Variants in CWF19L2 observed in about 807,000 individuals in gnomAD.
The protein encoded by CWF19L2 is CWF19 like cell cycle control factor 2, also known as CWF19-like protein 2.
Under a neutral mutation model 111.7 loss-of-function variants are expected in CWF19L2, and 98 were observed. The ratio of observed to expected loss-of-function variants is 0.88; its 90% CI spans 0.75 to 1.04. The LOEUF (loss-of-function observed/expected upper bound fraction) is 1.04. CWF19L2 is among the 50% of genes least tolerant of loss of function. The pLI is 0.00. For missense variants in CWF19L2, 1,101 were observed against 1,051.4 expected, an observed-to-expected ratio of 1.05 and a Z score of -0.65; for synonymous variants, 351 against 342.9, an observed-to-expected ratio of 1.02 and a Z score of -0.26.
intron 10 of CWF19L2, chr11:107,404,446 G>T (rs1565270584): frequency 5.2e-6 from 4 of 773,648 alleles, no homozygotes; most frequent in Non-Finnish European, 9.7e-6. Flanking sequence ...TGAACTGGCT[G>T]TTGGCACCCG....
chr11:107,385,731 T>C (rs1860755046), intron 12 of CWF19L2, among the ~76,000 whole-genome samples: 1 of 152,228 alleles, frequency 6.6e-6, no homozygotes, highest in South Asian at 2.1e-4. Flanking sequence ...TTCTGAGTAG[T>C]GTGATGAAAT....
In CWF19L2 at chr11:107,402,893, A is replaced by G. The variant is rs945561065; in HGVS notation, c.1618-9998T>C. Among the ~76,000 whole-genome samples, 4 of 97,344 alleles carry G rather than the reference A, an allele frequency of 4.1e-5. 1 individual carries two copies. Among genetic ancestry groups the G allele is most frequent in the African/African-American group, 1.3e-4 (3 of 23,942 alleles). 63.9% of individuals were successfully genotyped at this position (97,344 alleles called of 152,430 possible). A position where few individuals can be genotyped will look rare whatever the true frequency, so the allele number is the denominator to read the frequency against. On this transcript the variant is annotated intron_variant, in intron 10 of 17. Transcript: ENST00000282251. Reference sequence around the variant, plus strand: ...GGTGTGTATATATATATATATATATATATATATATAATGGAATACTATGCA... The same window carrying G: ...GGTGTGTATATATATATATATATATGTATATATATAATGGAATACTATGCA...
chr11:107,336,397 T>C (rs949723335), intron 15 of CWF19L2, among the ~76,000 whole-genome samples, 161 bp downstream of exon 15: 4 of 152,182 alleles, frequency 2.6e-5, no homozygotes, highest in African/African-American at 9.6e-5. Flanking sequence ...TCTCCCCACC[T>C]TGGCCTTCCA....
In CWF19L2 at chr11:107,353,556, G is replaced by A. The variant is rs139979724; in HGVS notation, c.2053C>T (p.Pro685Ser). 7.9e-5 allele frequency: 128 copies of A among 1,613,676 alleles called. No individual in the cohort carries two copies. The African/African-American group carries it at 1.6e-3, about 20-fold the overall frequency. The change falls in exon 13 of 18, where the codon CCC (proline) becomes TCC (serine). Residue 685 changes from proline (P) to serine (S), a missense_variant. Coordinates refer to ENST00000282251, the MANE Select transcript of CWF19L2 (RefSeq NM_152434.3). ...CLYCFDSSQF[P>S]KHLIVAIGVK... ...CCTATTGCAACAATAAGATGCTTGGGAAATTGAGAGCTGTCAAAACAATAC... is the reference window on the plus strand; with the variant it reads ...CCTATTGCAACAATAAGATGCTTGGAAAATTGAGAGCTGTCAAAACAATAC...
chr11:107,381,262 A>G (rs374572860), intron 12 of CWF19L2, among the ~76,000 whole-genome samples: 12 of 152,226 alleles, frequency 7.9e-5, no homozygotes, highest in African/African-American at 2.9e-4. Context: ...TTGCCATAAA[A>G]AACCCAACTA....
chr11:107,359,065 G>A (rs1298490714), intron 12 of CWF19L2, among the ~76,000 whole-genome samples: 2 of 151,658 alleles, frequency 1.3e-5, no homozygotes, highest in Non-Finnish European at 2.9e-5. Flanking sequence ...AAACAGCCAT[G>A]CACAGATAAA....
intron 8 of CWF19L2, among the ~76,000 whole-genome samples, chr11:107,423,914 TAATA>T (rs1386563675): frequency 1.4e-5 from 2 of 141,352 alleles, no homozygotes; most frequent in African/African-American, 5.4e-5. Flanking sequence ...AGATACCTAC[TAATA>T]TATATGAGCA....
chr11:107,361,328 G>A (rs928668078), intron 12 of CWF19L2, among the ~76,000 whole-genome samples: 11 of 152,202 alleles, frequency 7.2e-5, no homozygotes, highest in Admixed American at 2.6e-4. Context: ...TATTGTTTAC[G>A]TCAGTACCAA....
In CWF19L2 at chr11:107,326,686, C is replaced by T. The variant is rs907492178; in HGVS notation, c.*224G>A. 1.5e-5 allele frequency: 6 copies of T among 394,664 alleles called. No individual in the cohort carries two copies. Among genetic ancestry groups the T allele is most frequent in the Non-Finnish European group, 1.8e-5 (4 of 222,958 alleles). The allele number at this position is 394,664 out of a possible 1,614,324, so 24.4% of individuals were successfully genotyped here. ...GAGAGCAGGAATGTGAGCAGATCAT[C>T]GAATATATGTTTTTACTCCATGGTG... is the stretch of plus-strand genomic sequence containing the variant. On this transcript the variant is annotated 3_prime_UTR_variant, in exon 18 of 18. Coordinates refer to ENST00000282251, the MANE Select transcript of CWF19L2 (RefSeq NM_152434.3).
chr11:107,388,195 C>T (rs1385847957), intron 12 of CWF19L2, among the ~76,000 whole-genome samples: 2 of 152,148 alleles, frequency 1.3e-5, no homozygotes, highest in Non-Finnish European at 2.9e-5. Flanking sequence ...TCATTTTCTA[C>T]AAAACTATTT....
At position 107,371,077 on chromosome 11, in the gene CWF19L2, G is replaced by A. The variant is rs1447276620; in HGVS notation, c.1873-17341C>T. Among the ~76,000 whole-genome samples, 5 of 121,398 alleles carry A rather than the reference G, an allele frequency of 4.1e-5. 1 individual carries two copies. Among genetic ancestry groups the A allele is most frequent in the Admixed American group, 8.1e-5 (1 of 12,344 alleles). 79.6% of individuals were successfully genotyped at this position (121,398 alleles called of 152,430 possible). ...CGCCCAGGCTGGAGTGCAGTGGTGC[G>A]ATCTCGGCTCACTGCAAGCTCTGCC... On this transcript the variant is annotated intron_variant, in intron 12 of 17. Coordinates refer to ENST00000282251, the MANE Select transcript of CWF19L2 (RefSeq NM_152434.3).
chr11:107,379,085 T>C (rs1462555937), intron 12 of CWF19L2, among the ~76,000 whole-genome samples: 2 of 152,222 alleles, frequency 1.3e-5, no homozygotes, highest in Non-Finnish European at 2.9e-5. Flanking sequence ...CTGGGCAAGC[T>C]ACTGAATATC....
intron 16 of CWF19L2, among the ~76,000 whole-genome samples, chr11:107,331,271 G>C (rs1294422031): frequency 1.3e-5 from 2 of 152,114 alleles, no homozygotes; most frequent in Non-Finnish European, 1.5e-5. Flanking sequence ...TAACATCTCT[G>C]AGTCTCATGA....
At chr11:107,408,686 T>C (rs1400327851) in intron 10 of CWF19L2, among the ~76,000 whole-genome samples, 1 of 151,954 alleles carries the variant, frequency 6.6e-6, no homozygotes, top group Non-Finnish European at 1.5e-5. Flanking sequence ...GGTTAAAAAA[T>C]ACAAGCTGAA....
At chr11:107,419,986 T>C (rs1861281359) in intron 8 of CWF19L2, among the ~76,000 whole-genome samples, 1 of 151,858 alleles carries the variant, frequency 6.6e-6, no homozygotes, top group African/African-American at 2.4e-5. Flanking sequence ...AGATAGACTA[T>C]GATAAGTTAA....
At chr11:107,436,772 C>G (rs570739846) in intron 6 of CWF19L2, among the ~76,000 whole-genome samples, 1 of 152,252 alleles carries the variant, frequency 6.6e-6, no homozygotes, top group African/African-American at 2.4e-5. Context: ...GTAACTAATG[C>G]TGGACTAGGA....
intron 10 of CWF19L2, among the ~76,000 whole-genome samples, chr11:107,401,431 G>A (rs1200798439): frequency 6.6e-6 from 1 of 151,974 alleles, no homozygotes; most frequent in African/African-American, 2.4e-5. Context: ...CAGCGAACAA[G>A]CAGAGAATCA....
Position 107,442,776 on chromosome 11 carries a change from AAGGAAGGAAGGAAGGAAGGGAGGGAGGG to A in CWF19L2, c.450+135_450+162del, listed in dbSNP as rs1158356361. ...GAAGGAAGGAAGGAAGGAAGGAAGG[AAGGAAGGAAGGAAGGAAGGGAGGGAGGG>A]AGGGAGGGAGGGAGGGGGAGGGAGG... On this transcript the variant is annotated intron_variant, in intron 4 of 17. Transcript: ENST00000282251. Among the ~76,000 whole-genome samples, 232 of 48,376 alleles carry A rather than the reference AAGGAAGGAAGGAAGGAAGGGAGGGAGGG, an allele frequency of 4.8e-3. 5 individuals carry two copies. Among genetic ancestry groups the A allele is most frequent in the African/African-American group, 0.023 (219 of 9,340 alleles). The allele number at this position is 48,376 out of a possible 152,430, so 31.7% of individuals were successfully genotyped here. A position where few individuals can be genotyped will look rare whatever the true frequency, so the allele number is the denominator to read the frequency against.
chr11:107,416,957 G>A (rs935978847), intron 9 of CWF19L2, among the ~76,000 whole-genome samples: 7 of 152,040 alleles, frequency 4.6e-5, no homozygotes, highest in Admixed American at 1.3e-4. Flanking sequence ...TCTTGCTATC[G>A]TTACTGTTGT....
Sources: gnomAD v4.1 joint callset for allele counts (sites outside exome capture counted in the v4.1 genomes callset) on GRCh38, gnomAD v4.1.1 for gene constraint, MANE v1.5 for transcripts, NCBI Gene and HGNC (gene_info 2026-07-23, HGNC 2026-07-21) for gene names.